Variants in DNAH11 observed in about 807,000 individuals in gnomAD.
DNAH11 encodes axonemal beta dynein heavy chain 11.
DNAH11 carries 442 observed loss-of-function variants against 526.0 expected under a neutral mutation model. The observed-to-expected ratio is 0.84, with a 90% CI of 0.78 to 0.91. The LOEUF (loss-of-function observed/expected upper bound fraction) is 0.91. DNAH11 is among the 40% of genes least tolerant of loss of function. The pLI is 0.00. For synonymous variants in DNAH11, 2,461 were observed against 1,935.9 expected (o/e 1.27, Z -7.12); for missense variants, 6,989 against 5,448.7 (o/e 1.28, Z -8.90).
chr7:21,711,600 A>G (rs1176903314), intron 41 of DNAH11, 112 bp from the exon 42 acceptor site: 8 of 1,430,270 alleles, frequency 5.6e-6, no homozygotes, highest in Non-Finnish European at 6.5e-6. Flanking sequence ...CTTCTGATTC[A>G]GGAGAGTGAG....
intron 4 of DNAH11, among the ~76,000 whole-genome samples, chr7:21,560,864 A>G (rs1208879667): frequency 6.6e-6 from 1 of 152,242 alleles, no homozygotes; most frequent in Non-Finnish European, 1.5e-5. Flanking sequence ...ATCCAAATTT[A>G]AAAACCTAAA....
At chr7:21,675,835 A>G (rs1014100658) in intron 30 of DNAH11, among the ~76,000 whole-genome samples, 2 of 152,228 alleles carry the variant, frequency 1.3e-5, no homozygotes, top group East Asian at 1.9e-4. Context: ...TAGGATACTC[A>G]TAAGTTCCAT....
intron 2 of DNAH11, among the ~76,000 whole-genome samples, chr7:21,553,839 C>T (rs1407744932): frequency 2.6e-5 from 4 of 152,118 alleles, no homozygotes; most frequent in African/African-American, 9.7e-5. Context: ...TCCTCTCTCC[C>T]TACAAAGACC....
chr7:21,816,833 C>T (rs1789817608), intron 64 of DNAH11, 131 bp downstream of exon 64: 1 of 731,476 alleles, frequency 1.4e-6, no homozygotes, highest in South Asian at 2.0e-5. Flanking sequence ...ATTTGTTTAT[C>T]TGCCTGTTCA....
At chr7:21,726,710 A>C (rs1472044224) in intron 45 of DNAH11, among the ~76,000 whole-genome samples, 2 of 149,528 alleles carry the variant, frequency 1.3e-5, no homozygotes, top group South Asian at 2.1e-4. Context: ...AAATACAAAA[A>C]ATTAGCCGGG....
At chr7:21,772,356 C>CTT (rs572354679) in intron 55 of DNAH11, among the ~76,000 whole-genome samples, 56 of 140,004 alleles carry the variant, frequency 4.0e-4, no homozygotes, top group South Asian at 2.8e-3. Context: ...TTCTTTCTTT[C>CTT]TTTTTTTTTT....
Position 21,901,201 on chromosome 7 carries a change from G to C in DNAH11, c.13498G>C (p.Glu4500Gln). 6.2e-7 allele frequency: 1 copy of C among 1,613,918 alleles called. No homozygotes were observed. Among genetic ancestry groups the C allele is most frequent in the Non-Finnish European group, 8.5e-7 (1 of 1,179,832 alleles). Residue 4500 changes from glutamate to glutamine, a missense_variant, in exon 82 of 82, where the codon GAG becomes CAG. Glu to Gln is a conservative substitution (Grantham distance 29). Coordinates refer to ENST00000409508, the MANE Select transcript of DNAH11 (RefSeq NM_001277115.2). ...YIWTFRLKSE[E>Q]KTAKWVLAGV... Reference sequence around the variant, plus strand: ...CTGGACCTTCAGGCTGAAGAGCGAAGAGAAGACTGCAAAATGGGTTCTGGC... The same window carrying C: ...CTGGACCTTCAGGCTGAAGAGCGAACAGAAGACTGCAAAATGGGTTCTGGC...
chr7:21,759,715 C>A (rs954343399), intron 54 of DNAH11, among the ~76,000 whole-genome samples: 4 of 152,156 alleles, frequency 2.6e-5, no homozygotes, highest in African/African-American at 9.7e-5. Context: ...TGTAGCAATT[C>A]ACATTTTCAT....
Position 21,710,588 on chromosome 7 carries a change from C to T in DNAH11, c.6719C>T (p.Ser2240Phe). ...TCTTATTTTATAGGTCTCTTCTCAT[C>T]CATTCTACGAGAACAAGCAAATCTT... ...VYSYFIGLFS[S>F]ILREQANLKH... Residue 2240 changes from serine to phenylalanine, a missense_variant, in exon 41 of 82, where the codon TCC becomes TTC. Coordinates refer to ENST00000409508, the MANE Select transcript of DNAH11 (RefSeq NM_001277115.2). 1 of 1,612,074 alleles carries T rather than the reference C, an allele frequency of 6.2e-7. No individual in the cohort carries two copies. Among genetic ancestry groups the T allele is most frequent in the South Asian group, 1.1e-5 (1 of 90,886 alleles).
intron 23 of DNAH11, chr7:21,618,622 CTA>C (rs1268767067): frequency 5.9e-6 from 1 of 168,452 alleles, no homozygotes; most frequent in Admixed American, 6.4e-5. Context: ...CACTGTAAGA[CTA>C]TTTTTTTTGC....
chr7:21,665,297 T>G (rs12539119), intron 30 of DNAH11, among the ~76,000 whole-genome samples: 3,103 of 152,266 alleles, frequency 0.02, 69 homozygotes, highest in South Asian at 0.093. Flanking sequence ...CACCTATTAT[T>G]ATGATGATTA....
intron 20 of DNAH11, among the ~76,000 whole-genome samples, chr7:21,609,532 A>C (rs1454643518): frequency 6.6e-6 from 1 of 151,862 alleles, no homozygotes; most frequent in African/African-American, 2.4e-5. Context: ...AACTGGGTAT[A>C]TATTTCTAGG....
Position 21,591,229 on chromosome 7 carries a change from C to CA in DNAH11, c.2322dup (p.Gln775ThrfsTer7). Reference sequence around the variant, plus strand: ...TTCTTGTGCAAGGGTATAATAAACTCAAACAGACGCTCCTGGAAGTTGAAT... The same window carrying CA: ...TTCTTGTGCAAGGGTATAATAAACTCAAAACAGACGCTCCTGGAAGTTGAAT... On this transcript the variant is annotated frameshift_variant, in exon 14 of 82. Transcript: ENST00000409508. LOFTEE classifies it high-confidence loss of function. 1 of 1,579,624 alleles carries CA rather than the reference C, an allele frequency of 6.3e-7. No homozygotes were observed.
At chr7:21,577,211 A>ATTT (rs1784129542) in intron 8 of DNAH11, among the ~76,000 whole-genome samples, 1 of 152,214 alleles carries the variant, frequency 6.6e-6, no homozygotes, top group Non-Finnish European at 1.5e-5. Context: ...CAAGAAGGAG[A>ATTT]GAGCTTAACA....
intron 65 of DNAH11, 44 bp from the exon 66 acceptor site, chr7:21,842,500 G>A: frequency 2.0e-6 from 3 of 1,510,884 alleles, no homozygotes; most frequent in Non-Finnish European, 2.7e-6. Flanking sequence ...TATCAGTTAT[G>A]GGTCATAGGA....
At position 21,892,518 on chromosome 7, in the gene DNAH11, C is replaced by T. The variant is rs200166341; in HGVS notation, c.12601C>T (p.Pro4201Ser). 469 of 1,613,794 alleles carry T rather than the reference C, an allele frequency of 2.9e-4. 1 individual carries two copies. Among genetic ancestry groups the T allele is most frequent in the Non-Finnish European group, 3.4e-4 (400 of 1,179,890 alleles). ...YHQYIEEMLP[P>S]ESPALYGLHP... ...CCAGTACATAGAGGAGATGCTTCCT[C>T]CAGAAAGCCCGGCACTGTATGGCCT... is the stretch of plus-strand genomic sequence containing the variant. The change falls in exon 77 of 82, where the codon CCA becomes TCA. Residue 4201 changes from proline to serine, a missense_variant. Pro to Ser is a moderately conservative substitution (Grantham distance 74). Transcript: ENST00000409508.
At chr7:21,648,878 A>AT (rs938178000) in intron 28 of DNAH11, among the ~76,000 whole-genome samples, 2 of 152,064 alleles carry the variant, frequency 1.3e-5, no homozygotes, top group African/African-American at 2.4e-5. Flanking sequence ...TATTTCTTTA[A>AT]TTTTTTTCCC....
At chr7:21,557,509 C>G (rs773744964) in intron 2 of DNAH11, among the ~76,000 whole-genome samples, 1 of 152,076 alleles carries the variant, frequency 6.6e-6, no homozygotes, top group Non-Finnish European at 1.5e-5. Flanking sequence ...GTGGAAGGGG[C>G]GAACAAGCTC....
intron 76 of DNAH11, among the ~76,000 whole-genome samples, chr7:21,890,401 A>C (rs1462559590): frequency 2.0e-5 from 3 of 152,204 alleles, no homozygotes; most frequent in Non-Finnish European, 2.9e-5. Flanking sequence ...ACGCATTCAA[A>C]CAAATGTCCC....
Sources: gnomAD v4.1 joint callset for allele counts (sites outside exome capture counted in the v4.1 genomes callset) on GRCh38, gnomAD v4.1.1 for gene constraint, MANE v1.5 for transcripts, NCBI Gene and HGNC (gene_info 2026-07-23, HGNC 2026-07-21) for gene names.